MLYCD: variants seen among roughly 807,000 people sequenced by gnomAD.
MLYCD encodes malonyl-CoA decarboxylase, mitochondrial.
In MLYCD, 27 loss-of-function variants were observed where a neutral mutation model predicts 35.8. That is an observed-to-expected ratio of 0.75 (90% CI 0.56 to 1.04). The LOEUF is 1.04. Ranked by LOEUF, MLYCD falls within the 50% of genes least tolerant of loss-of-function variation. MLYCD has a pLI of 0.00. For synonymous variants in MLYCD, 403 were observed against 302.4 expected, an observed-to-expected ratio of 1.33 and a Z score of -3.45; for missense variants, 917 against 665.1, an observed-to-expected ratio of 1.38 and a Z score of -4.17.
At position 83,925,760 on chromosome 16, in the gene MLYCD, C is replaced by G. The variant is rs1177434945; in HGVS notation, c.*10271C>G. The G allele has an allele frequency of 6.5e-6, 1 of 152,902 alleles. No homozygotes were observed. Among genetic ancestry groups the G allele is most frequent in the South Asian group, 2.1e-4 (1 of 4,830 alleles). The allele number at this position is 152,902 out of a possible 1,614,324, so 9.5% of individuals were successfully genotyped here. A position where few individuals can be genotyped will look rare whatever the true frequency, so the allele number is the denominator to read the frequency against. ...CATGCTCCTCCCTCTTCTTGAAACG[C>G]TCTCCCCTCCCTGCCTCCCAGGCAA... On this transcript the variant is annotated 3_prime_UTR_variant, in exon 5 of 5. Coordinates refer to ENST00000262430, the MANE Select transcript of MLYCD (RefSeq NM_012213.3).
intron 1 of MLYCD, among the ~76,000 whole-genome samples, chr16:83,905,871 G>C (rs188335130): frequency 6.7e-4 from 102 of 152,372 alleles, no homozygotes; most frequent in African/African-American, 2.1e-3. Context: ...TGTGCAGGCA[G>C]CACCGAGGCG....
rs1474163316 is a variant in MLYCD, at chr16:83,917,045, C to T, written c.*1556C>T. ...GCACGTCTGTGTGCGTGTGCACAAGCGTCTCTGTGTGGATCAGTGCACGTC... is the reference window on the plus strand; with the variant it reads ...GCACGTCTGTGTGCGTGTGCACAAGTGTCTCTGTGTGGATCAGTGCACGTC... On this transcript the variant is annotated 3_prime_UTR_variant, in exon 5 of 5. Transcript: ENST00000262430. 1.8e-5 allele frequency: 2 copies of T among 110,982 alleles called. No individual in the cohort carries two copies. The highest frequency in any genetic ancestry group is 6.9e-5 in the African/African-American group (2 of 28,970). The allele number at this position is 110,982 out of a possible 1,614,324, so 6.9% of individuals were successfully genotyped here. A position where few individuals can be genotyped will look rare whatever the true frequency, so the allele number is the denominator to read the frequency against.
rs1442218443 is a variant in MLYCD at position 83,899,671 on chromosome 16, G to C, written c.527G>C (p.Arg176Pro). 7 of 1,520,982 alleles carry C rather than the reference G, an allele frequency of 4.6e-6. 1 individual carries two copies. The South Asian group carries it at 8.4e-5, about 18-fold the overall frequency. 94.2% of individuals were successfully genotyped at this position (1,520,982 alleles called of 1,614,324 possible). The change falls in exon 1 of 5, where the codon CGG (arginine) becomes CCG (proline). Residue 176 changes from arginine (R) to proline (P), a missense_variant and splice_region_variant. Transcript: ENST00000262430. ...AAGCTGGTGGAGGGGCCGGACGTCC[G>C]GGTAAGGGGCCGCCGTCGATCCCCC... The part of the protein sequence containing the change: ...ALKLVEGPDV[R>P]EMNGVLKGML...
In MLYCD at chr16:83,899,604, C is replaced by G; in HGVS notation, c.460C>G (p.Leu154Val). 1.3e-6 allele frequency: 2 copies of G among 1,582,560 alleles called. No homozygotes were observed. Among genetic ancestry groups the G allele is most frequent in the Non-Finnish European group, 1.7e-6 (2 of 1,172,924 alleles). Reference protein sequence around the residue: ...ISKLDGGVRFLVQLRADLLEA... With the variant: ...ISKLDGGVRFVVQLRADLLEA... Reference sequence around the variant, plus strand: ...CAAGCTGGACGGCGGCGTGCGCTTCCTGGTGCAGCTGCGGGCCGACCTGCT... The same window carrying G: ...CAAGCTGGACGGCGGCGTGCGCTTCGTGGTGCAGCTGCGGGCCGACCTGCT... Residue 154 changes from leucine to valine, a missense_variant, in exon 1 of 5, where the codon CTG (leucine) becomes GTG (valine). Physicochemically the swap from Leu to Val is conservative, Grantham distance 32. Coordinates refer to ENST00000262430, the MANE Select transcript of MLYCD (RefSeq NM_012213.3).
Position 83,915,434 on chromosome 16 carries a change from C to T in MLYCD, c.1427C>T (p.Ala476Val), listed in dbSNP as rs1239750288. 3 of 1,613,648 alleles carry T rather than the reference C, an allele frequency of 1.9e-6. No individual in the cohort carries two copies. The highest frequency in any genetic ancestry group is 4.5e-5 in the East Asian group (2 of 44,892). ...TACCTCGGCTCCAAGATCATCAAAGCCTCTGAGCAGGTCCTCAGCCTAGTG... is the reference window on the plus strand; with the variant it reads ...TACCTCGGCTCCAAGATCATCAAAGTCTCTGAGCAGGTCCTCAGCCTAGTG... ...TSYLGSKIIK[A>V]SEQVLSLVAQ... The change falls in exon 5 of 5, where the codon GCC becomes GTC. Residue 476 changes from alanine to valine, a missense_variant. Physicochemically the swap from Ala to Val is moderately conservative, Grantham distance 64 (BLOSUM62 0). Transcript: ENST00000262430.
chr16:83,917,307 G>T lies in MLYCD; in HGVS notation c.*1818G>T, dbSNP rs1339668839. 3 of 149,942 alleles carry T rather than the reference G, an allele frequency of 2.0e-5. No homozygotes were observed. Among genetic ancestry groups the T allele is most frequent in the Middle Eastern group, 6.0e-4 (1 of 1,666 alleles). 9.3% of individuals were successfully genotyped at this position (149,942 alleles called of 1,614,324 possible). On this transcript the variant is annotated 3_prime_UTR_variant, in exon 5 of 5. Coordinates refer to ENST00000262430, the MANE Select transcript of MLYCD (RefSeq NM_012213.3). ...TCTGTGTGCGTGTGCACAAGCATCTGTGTGTGTCAGTGCACGTCTGTGTGC... is the reference window on the plus strand; with the variant it reads ...TCTGTGTGCGTGTGCACAAGCATCTTTGTGTGTCAGTGCACGTCTGTGTGC...
intron 3 of MLYCD, among the ~76,000 whole-genome samples, chr16:83,910,554 G>A (rs141895971): frequency 0.012 from 1,814 of 152,076 alleles, 46 homozygotes; most frequent in African/African-American, 0.042. Flanking sequence ...GCCGGGTGTG[G>A]TGGTGTGCAC....
intron 4 of MLYCD, 107 bp from the exon 5 acceptor site, chr16:83,914,849 C>T: frequency 1.3e-6 from 2 of 1,488,136 alleles, no homozygotes; most frequent in Admixed American, 1.7e-5. Context: ...CTGACCGCTA[C>T]ACAGCAGCAT....
Position 83,909,655 on chromosome 16 carries a change from C to T in MLYCD, c.798+1373C>T, listed in dbSNP as rs1351325442. Among the ~76,000 whole-genome samples, 3 of 143,518 alleles carry T rather than the reference C, an allele frequency of 2.1e-5. No individual in the cohort carries two copies. In the East Asian group the frequency reaches 6.1e-4, roughly 29 times the overall value. 94.2% of individuals were successfully genotyped at this position (143,518 alleles called of 152,430 possible). On this transcript the variant is annotated intron_variant, in intron 3 of 4. Coordinates refer to ENST00000262430, the MANE Select transcript of MLYCD (RefSeq NM_012213.3). ...TTTTTTTTTGAAGCGGAGTTTCGCT[C>T]TTCTTGCGCAGGCTAGAGTGCAATG...
rs1167047582 is a variant in MLYCD, at chr16:83,920,211, C to T, written c.*4722C>T. On this transcript the variant is annotated 3_prime_UTR_variant, in exon 5 of 5. Transcript: ENST00000262430. Reference sequence around the variant, plus strand: ...TTTGCTTTTGCAATTCCAGGGAGCTCCCTGGCCTCCCACAGCCATTCATAG... The same window carrying T: ...TTTGCTTTTGCAATTCCAGGGAGCTTCCTGGCCTCCCACAGCCATTCATAG... 6.6e-6 allele frequency: 1 copy of T among 152,176 alleles called. No homozygotes were observed. Among genetic ancestry groups the T allele is most frequent in the African/African-American group, 2.4e-5 (1 of 41,430 alleles). The allele number at this position is 152,176 out of a possible 1,614,324, so 9.4% of individuals were successfully genotyped here. A position where few individuals can be genotyped will look rare whatever the true frequency, so the allele number is the denominator to read the frequency against.
intron 1 of MLYCD, 28 bp from the exon 2 acceptor site, chr16:83,906,959 G>A: frequency 6.3e-7 from 1 of 1,588,992 alleles, no homozygotes; most frequent in Non-Finnish European, 8.6e-7. Flanking sequence ...GCACATTGGA[G>A]GCCTGGGATT....
rs1302265017 is a variant in MLYCD, at chr16:83,899,621, C to G, written c.477C>G (p.Ala159=). ...TGCGCTTCCTGGTGCAGCTGCGGGCCGACCTGCTGGAGGCGCAGGCCCTCA... is the reference window on the plus strand; with the variant it reads ...TGCGCTTCCTGGTGCAGCTGCGGGCGGACCTGCTGGAGGCGCAGGCCCTCA... ...GGVRFLVQLR[A]DLLEAQALKL... Residue 159 remains alanine (A), a synonymous_variant, in exon 1 of 5, where the codon GCC becomes GCG. Coordinates refer to ENST00000262430, the MANE Select transcript of MLYCD (RefSeq NM_012213.3). 6.4e-7 allele frequency: 1 copy of G among 1,570,386 alleles called. No homozygotes were observed. The highest frequency in any genetic ancestry group is 8.6e-7 in the Non-Finnish European group (1 of 1,167,212).
At position 83,915,028 on chromosome 16, in the gene MLYCD, C is replaced by T. The variant is rs1216901532; in HGVS notation, c.1021C>T (p.Leu341Phe). 1.9e-6 allele frequency: 3 copies of T among 1,614,108 alleles called. No individual in the cohort carries two copies. The African/African-American group carries it at 4.0e-5, about 22-fold the overall frequency. Residue 341 changes from leucine to phenylalanine, a missense_variant, in exon 5 of 5, where the codon CTT becomes TTT. By Grantham distance (22) the Leu-to-Phe change is conservative (BLOSUM62 0). Coordinates refer to ENST00000262430, the MANE Select transcript of MLYCD (RefSeq NM_012213.3). ...IPGFTKWLLG[L>F]LNSQTKEHGR... ...TGGTTTCACCAAATGGCTTCTGGGG[C>T]TTCTGAACTCGCAAACGAAGGAGCA... is the stretch of plus-strand genomic sequence containing the variant.
intron 1 of MLYCD, among the ~76,000 whole-genome samples, chr16:83,902,144 T>G (rs1279105785): frequency 7.7e-6 from 1 of 129,820 alleles, no homozygotes; most frequent in African/African-American, 3.0e-5. Context: ...TGTGTGTGTG[T>G]GTGTGCGTGC....
At chr16:83,906,031 C>G (rs764357588) in intron 1 of MLYCD, among the ~76,000 whole-genome samples, 29 of 152,176 alleles carry the variant, frequency 1.9e-4, no homozygotes, top group Non-Finnish European at 3.1e-4. Context: ...TTCATCAACT[C>G]TGAAATGCAT....
chr16:83,899,198 G>A lies in MLYCD; in HGVS notation c.54G>A (p.Leu18=). The change falls in exon 1 of 5, where the codon TTG becomes TTA. Residue 18 remains leucine (L), a synonymous_variant. Coordinates refer to ENST00000262430, the MANE Select transcript of MLYCD (RefSeq NM_012213.3). ...CCAGGCGTCTCCTCCCGCTGCGGTT[G>A]CCCCCGCGGCCGCCCGGGCCCCGGC... ...LTARRLLPLR[L]PPRPPGPRLA... 3 of 1,176,908 alleles carry A rather than the reference G, an allele frequency of 2.5e-6. 1 individual carries two copies. In the South Asian group the frequency reaches 1.0e-4, roughly 41 times the overall value. 72.9% of individuals were successfully genotyped at this position (1,176,908 alleles called of 1,614,324 possible). A position where few individuals can be genotyped will look rare whatever the true frequency, so the allele number is the denominator to read the frequency against.
chr16:83,902,179 A>G (rs1371162318), intron 1 of MLYCD, among the ~76,000 whole-genome samples: 1 of 137,868 alleles, frequency 7.3e-6, no homozygotes, highest in Admixed American at 7.6e-5. Context: ...ATATATATAT[A>G]TATATATATA....
rs144512526 is a variant in MLYCD at position 83,915,931 on chromosome 16, C to G, written c.*442C>G. 121 of 1,075,656 alleles carry G rather than the reference C, an allele frequency of 1.1e-4. 2 individuals are homozygous for G. In the East Asian group the frequency reaches 7.1e-3, roughly 63 times the overall value. 66.6% of individuals were successfully genotyped at this position (1,075,656 alleles called of 1,614,324 possible). Reference sequence around the variant, plus strand: ...ATAAAACAGAATGCGGCGATGGTTGCTTTAGCCGTTTCTCACCATGCAATG... The same window carrying G: ...ATAAAACAGAATGCGGCGATGGTTGGTTTAGCCGTTTCTCACCATGCAATG... On this transcript the variant is annotated 3_prime_UTR_variant, in exon 5 of 5. Coordinates refer to ENST00000262430, the MANE Select transcript of MLYCD (RefSeq NM_012213.3).
intron 3 of MLYCD, among the ~76,000 whole-genome samples, chr16:83,910,358 A>G (rs956226395): frequency 5.3e-5 from 8 of 152,022 alleles, no homozygotes; most frequent in Admixed American, 1.3e-4. Flanking sequence ...GGATTTTTGC[A>G]TAAGGAATCA....
Sources: allele counts gnomAD v4.1 joint callset (sites outside exome capture counted in the v4.1 genomes callset), GRCh38; gene constraint gnomAD v4.1.1; transcripts MANE v1.5; gene names NCBI Gene and HGNC (gene_info 2026-07-23, HGNC 2026-07-21).